Variants in SCRIB observed in about 807,000 individuals in gnomAD.
SCRIB encodes the protein protein scribble homolog.
Under a neutral mutation model 170.0 loss-of-function variants are expected in SCRIB, and 72 were observed. That is an observed-to-expected ratio of 0.42 (90% CI 0.35 to 0.52). SCRIB has a LOEUF of 0.52. SCRIB is among the 20% of genes least tolerant of loss of function. The pLI is 0.02. For missense variants in SCRIB, 2,475 were observed against 2,338.5 expected, an observed-to-expected ratio of 1.06 and a Z score of -1.20; for synonymous variants, 1,298 against 1,044.3, an observed-to-expected ratio of 1.24 and a Z score of -4.68.
intron 24 of SCRIB, among the ~76,000 whole-genome samples, chr8:143,802,168 C>G (rs1246040459): frequency 6.6e-6 from 1 of 152,252 alleles, no homozygotes; most frequent in East Asian, 1.9e-4. Context: ...CCCCAGAAAC[C>G]ACCAGGACTC....
At position 143,810,721 on chromosome 8, in the gene SCRIB, C is replaced by T; in HGVS notation, c.1369G>A (p.Asp457Asn). 1 of 1,606,902 alleles carries T rather than the reference C, an allele frequency of 6.2e-7. No homozygotes were observed. The highest frequency in any genetic ancestry group is 8.5e-7 in the Non-Finnish European group (1 of 1,175,752). Residue 457 changes from aspartate to asparagine, a missense_variant, in exon 12 of 37, where the codon GAT (aspartate) becomes AAT (asparagine). By Grantham distance (23) the Asp-to-Asn change is conservative. Around this residue, in one of 3 missense-constraint regions of SCRIB, gnomAD observed 1,966 missense variants for 1,742.9 expected, o/e 1.13. Coordinates refer to ENST00000356994, the MANE Select transcript of SCRIB (RefSeq NM_182706.5). ...VIQFLEAPIG[D>N]EDAEEAAAEK... is the part of the protein sequence containing the mutation. ...GCTGCAGCTTCCTCAGCGTCCTCAT[C>T]ACCTATGGGGGCCTCCAGGAACTGG...
rs1410000408 is a variant in SCRIB at position 143,810,917 on chromosome 8, G to A, written c.1262C>T (p.Pro421Leu). ...TGCCAACAACCTACCGAGGCTGGGT[G>A]GGGGCTGCTGGGGCAGCAAGTAGCA... ...LTCYLLPQQP[P>L]PSLEDAGQQG... Residue 421 changes from proline to leucine, a missense_variant, in exon 11 of 37, where the codon CCA becomes CTA. Physicochemically the swap from Pro to Leu is moderately conservative, Grantham distance 98. Coordinates refer to ENST00000356994, the MANE Select transcript of SCRIB (RefSeq NM_182706.5). 6 of 1,611,510 alleles carry A rather than the reference G, an allele frequency of 3.7e-6. No individual in the cohort carries two copies. Among genetic ancestry groups the A allele is most frequent in the East Asian group, 2.2e-5 (1 of 44,878 alleles).
At chr8:143,798,390 C>CGTCCCGGATGCGGACTGTAT (rs1212147559) in intron 24 of SCRIB, among the ~76,000 whole-genome samples, 24 of 152,232 alleles carry the variant, frequency 1.6e-4, no homozygotes, top group Admixed American at 1.0e-3. Flanking sequence ...GCGGACTGTA[C>CGTCCCGGATGCGGACTGTAT]GTCCCAGGCA....
At chr8:143,800,835 C>A (rs1195908764) in intron 24 of SCRIB, among the ~76,000 whole-genome samples, 1 of 152,380 alleles carries the variant, frequency 6.6e-6, no homozygotes, top group Non-Finnish European at 1.5e-5. Flanking sequence ...GCGACTGTGC[C>A]GCTACTCCAG....
At chr8:143,791,581 C>T (rs909855857) in intron 35 of SCRIB, 85 bp downstream of exon 35, 46 of 1,513,252 alleles carry the variant, frequency 3.0e-5, no homozygotes, top group Admixed American at 6.8e-5. Context: ...CACGGCAGAG[C>T]GTGGGGAGGC....
rs782636769 is a variant in SCRIB, at chr8:143,793,122, T to A, written c.3910-39A>T. On this transcript the variant is annotated intron_variant, in intron 28 of 36. Coordinates refer to ENST00000356994, the MANE Select transcript of SCRIB (RefSeq NM_182706.5). Reference sequence around the variant, plus strand: ...CTCTTGTGAGCTATGCTGGGGCAGCTGTCGGGGCTGCAGCTGTGTGCAACT... The same window carrying A: ...CTCTTGTGAGCTATGCTGGGGCAGCAGTCGGGGCTGCAGCTGTGTGCAACT... 10 of 1,206,082 alleles carry A rather than the reference T, an allele frequency of 8.3e-6. No individual in the cohort carries two copies. In the South Asian group the frequency reaches 1.5e-4, roughly 19 times the overall value. The allele number at this position is 1,206,082 out of a possible 1,614,324, so 74.7% of individuals were successfully genotyped here. A position where few individuals can be genotyped will look rare whatever the true frequency, so the allele number is the denominator to read the frequency against.
intron 34 of SCRIB, 68 bp from the exon 35 acceptor site, chr8:143,791,808 T>C: frequency 2.1e-6 from 1 of 486,054 alleles, no homozygotes. Flanking sequence ...GCCACGGGGG[T>C]GGGGGCAGGC....
Position 143,808,763 on chromosome 8 carries a change from G to A in SCRIB, c.1961C>T (p.Ala654Val), listed in dbSNP as rs748333796. 9 of 1,609,102 alleles carry A rather than the reference G, an allele frequency of 5.6e-6. No homozygotes were observed. In the South Asian group the frequency reaches 8.9e-5, roughly 16 times the overall value. ...CTCCTCCTCCTTCTGGGCCCGAGGA[G>A]CCCAGGGTGCGTGGGGGCCATTGTG... Reference protein sequence around the residue: ...GWHNGPHAPWAPRAQKEEEEE... With the variant: ...GWHNGPHAPWVPRAQKEEEEE... The change falls in exon 15 of 37, where the codon GCT (alanine) becomes GTT (valine). Residue 654 changes from alanine to valine, a missense_variant. Physicochemically the swap from Ala to Val is moderately conservative, Grantham distance 64 (BLOSUM62 0). Transcript: ENST00000356994.
chr8:143,803,970 C>G lies in SCRIB; in HGVS notation c.3121-30G>C, dbSNP rs547311755. On this transcript the variant is annotated intron_variant, in intron 22 of 36. Coordinates refer to ENST00000356994, the MANE Select transcript of SCRIB (RefSeq NM_182706.5). Reference sequence around the variant, plus strand: ...CAGGGAGGAGGGTGGCAGCTGGTGGCTGAGGCCGCGCTGACCTGCGCTGGT... The same window carrying G: ...CAGGGAGGAGGGTGGCAGCTGGTGGGTGAGGCCGCGCTGACCTGCGCTGGT... 3.8e-6 allele frequency: 6 copies of G among 1,572,262 alleles called. No individual in the cohort carries two copies. In the East Asian group the frequency reaches 1.1e-4, roughly 30 times the overall value.
At chr8:143,806,363 A>C in intron 18 of SCRIB, 44 bp downstream of exon 18, 1 of 1,479,062 alleles carries the variant, frequency 6.8e-7, no homozygotes, top group Non-Finnish European at 9.3e-7. Context: ...ATGTACCTCC[A>C]GAGGGCACAG....
Position 143,811,127 on chromosome 8 carries a change from G to A in SCRIB, c.1106+19C>T. The A allele has an allele frequency of 6.3e-7, 1 of 1,598,878 alleles. No homozygotes were observed. The highest frequency in any genetic ancestry group is 8.5e-7 in the Non-Finnish European group (1 of 1,173,328). ...CGTTGGGGCCACGGTTAGGCCCGCA[G>A]GGCAAGGCTGGCACTCACCGGTTCC... is the stretch of plus-strand genomic sequence containing the variant. On this transcript the variant is annotated intron_variant, in intron 10 of 36. Coordinates refer to ENST00000356994, the MANE Select transcript of SCRIB (RefSeq NM_182706.5).
intron 9 of SCRIB, among the ~76,000 whole-genome samples, chr8:143,812,003 C>T (rs990703766): frequency 6.6e-6 from 1 of 152,126 alleles, no homozygotes; most frequent in Non-Finnish European, 1.5e-5. Flanking sequence ...CTTCTGTAAC[C>T]GCTCCCCAGT....
chr8:143,808,277 G>A (rs1410862517), intron 15 of SCRIB, among the ~76,000 whole-genome samples: 13 of 152,232 alleles, frequency 8.5e-5, no homozygotes, highest in Admixed American at 8.5e-4. Context: ...GGCCAGCAGA[G>A]CTGCCTCTGG....
Position 143,800,460 on chromosome 8 carries a change from G to A in SCRIB, c.3603+2923C>T, listed in dbSNP as rs563069206. Among the ~76,000 whole-genome samples, 11 of 152,358 alleles carry A rather than the reference G, an allele frequency of 7.2e-5. No homozygotes were observed. The South Asian group carries it at 1.7e-3, about 23-fold the overall frequency. On this transcript the variant is annotated intron_variant, in intron 24 of 36. Coordinates refer to ENST00000356994, the MANE Select transcript of SCRIB (RefSeq NM_182706.5). ...GGGGACAAGGGAGAGGCCCGAAGGG[G>A]GAAGGGCGGCCAGGCTTCTGCCAGG...
Position 143,803,703 on chromosome 8 carries a change from T to C in SCRIB, c.3358A>G (p.Arg1120Gly), listed in dbSNP as rs1554635533. The change falls in exon 23 of 37, where the codon AGG becomes GGG. Residue 1120 changes from arginine (R) to glycine (G), a missense_variant. By Grantham distance (125) the Arg-to-Gly change is moderately radical. Coordinates refer to ENST00000356994, the MANE Select transcript of SCRIB (RefSeq NM_182706.5). ...RLGISIRGGARGHAGNPRDPT... is the reference protein window; with the variant it reads ...RLGISIRGGAGGHAGNPRDPT... ...TCGCGGGGGTTGCCAGCGTGGCCCC[T>C]GGCACCCCCGCGGATGCTGATGCCC... is the stretch of plus-strand genomic sequence containing the variant. 6.3e-7 allele frequency: 1 copy of C among 1,585,484 alleles called. No individual in the cohort carries two copies. The highest frequency in any genetic ancestry group is 8.5e-7 in the Non-Finnish European group (1 of 1,172,102).
rs1360129001 is a variant in SCRIB, at chr8:143,807,023, G to A, written c.2179-10C>T. 6 of 1,602,018 alleles carry A rather than the reference G, an allele frequency of 3.7e-6. No individual in the cohort carries two copies. The highest frequency in any genetic ancestry group is 3.4e-5 in the Admixed American group (2 of 59,510). On this transcript the variant is annotated splice_polypyrimidine_tract_variant and intron_variant, in intron 16 of 36. Coordinates refer to ENST00000356994, the MANE Select transcript of SCRIB (RefSeq NM_182706.5). ...GGATAGTGAGGGTCAGCTGGAAACAGAACAGACAGGGTGTCTAGAAGGGCC... is the reference window on the plus strand; with the variant it reads ...GGATAGTGAGGGTCAGCTGGAAACAAAACAGACAGGGTGTCTAGAAGGGCC...
chr8:143,795,562 G>T, intron 24 of SCRIB, 32 bp from the exon 25 acceptor site: 1 of 1,558,710 alleles, frequency 6.4e-7, no homozygotes, highest in Non-Finnish European at 8.8e-7. Context: ...AAGAAGGGGG[G>T]ACTGCAACCC....
rs782560000 is a variant in SCRIB at position 143,803,932 on chromosome 8, C to A, written c.3129G>T (p.Pro1043=). The A allele has an allele frequency of 1.1e-5, 17 of 1,580,740 alleles. No homozygotes were observed. In the South Asian group the frequency reaches 1.8e-4, roughly 17 times the overall value. The change falls in exon 23 of 37, where the codon CCG becomes CCT. Residue 1043 remains proline (P), a synonymous_variant. Transcript: ENST00000356994. ...GGCCGCTGCGAGCGGCCAGGCCCCGCGGGAGCACCTGTCAGGGAGGAGGGT... is the reference window on the plus strand; with the variant it reads ...GGCCGCTGCGAGCGGCCAGGCCCCGAGGGAGCACCTGTCAGGGAGGAGGGT... ...EPGVFISKVL[P]RGLAARSGLR...
rs1554632685 is a variant in SCRIB at position 143,791,688 on chromosome 8, G to A, written c.4748C>T (p.Ser1583Phe). 1.2e-6 allele frequency: 2 copies of A among 1,605,120 alleles called. No individual in the cohort carries two copies. Among genetic ancestry groups the A allele is most frequent in the East Asian group, 2.2e-5 (1 of 44,552 alleles). The change falls in exon 35 of 37, where the codon TCC (serine) becomes TTC (phenylalanine). Residue 1583 changes from serine (S) to phenylalanine (F), a missense_variant. Physicochemically the swap from Ser to Phe is radical, Grantham distance 155. This residue lies in a region of SCRIB where 1,966 missense variants were observed against 1,742.9 expected (regional missense o/e 1.13). Coordinates refer to ENST00000356994, the MANE Select transcript of SCRIB (RefSeq NM_182706.5). ...TACCTGGATGTCATAGACAGGTCTG[G>A]AAGAAGGCAGGGCCGCAAAGGCCCT... ...DYRAFAALPSSRPVYDIQSPD... is the reference protein window; with the variant it reads ...DYRAFAALPSFRPVYDIQSPD...
Sources: gnomAD v4.1 joint callset for allele counts (sites outside exome capture counted in the v4.1 genomes callset) on GRCh38, gnomAD v4.1.1 for gene constraint, gnomAD v4.1.1 regional missense constraint, MANE v1.5 for transcripts, NCBI Gene and HGNC (gene_info 2026-07-23, HGNC 2026-07-21) for gene names.